Variants in TAF2 observed in about 807,000 individuals in gnomAD.
TAF2 encodes the protein transcription initiation factor TFIID subunit 2.
A neutral mutation model predicts 138.5 loss-of-function variants in TAF2; 61 were observed. The observed-to-expected ratio is 0.44, with a 90% CI of 0.36 to 0.54. The LOEUF is 0.54. TAF2 is among the 20% of genes least tolerant of loss of function. The probability of loss-of-function intolerance (pLI) is 0.00; values close to 1 mark genes in which losing one functional copy is unlikely to be tolerated. For missense variants in TAF2, 1,090 were observed against 1,427.9 expected, an observed-to-expected ratio of 0.76 and a Z score of 3.81; for synonymous variants, 475 against 469.9, an observed-to-expected ratio of 1.01 and a Z score of -0.14.
At chr8:119,831,566 T>G (rs1283916289) in intron 2 of TAF2, 111 bp downstream of exon 2, 2 of 775,320 alleles carry the variant, frequency 2.6e-6, no homozygotes, top group Non-Finnish European at 4.2e-6. Context: ...TTACCTATTC[T>G]TGAAACACAA....
At chr8:119,756,140 T>A in intron 21 of TAF2, 25 bp from the exon 22 acceptor site, 3 of 1,584,994 alleles carry the variant, frequency 1.9e-6, no homozygotes, top group South Asian at 2.2e-5. Flanking sequence ...AAAATTAAAT[T>A]TTTGCTGACC....
chr8:119,811,361 T>A (rs1002048295), intron 3 of TAF2, among the ~76,000 whole-genome samples: 3 of 150,712 alleles, frequency 2.0e-5, no homozygotes, highest in African/African-American at 5.0e-5. Flanking sequence ...ATTTAAAAAA[T>A]TTTTTATAGA....
chr8:119,819,457 A>T lies in TAF2; in HGVS notation c.188T>A (p.Ile63Asn). 6.2e-7 allele frequency: 1 copy of T among 1,611,380 alleles called. No individual in the cohort carries two copies. Among genetic ancestry groups the T allele is most frequent in the Non-Finnish European group, 8.5e-7 (1 of 1,179,524 alleles). Residue 63 changes from isoleucine (I) to asparagine (N), a missense_variant, in exon 3 of 26, where the codon ATC becomes AAC. By Grantham distance (149) the Ile-to-Asn change is moderately radical. Transcript: ENST00000378164. ...TCTACACTGTTTGCTGTTCAACTTG[A>T]TTCTATTCAAGTTTGCAACTGTGGG... ...IFPTVANLNR[I>N]KLNSKQCRIY... is the part of the protein sequence containing the mutation.
At chr8:119,793,336 TATA>T in intron 10 of TAF2, 27 bp downstream of exon 10, 1 of 1,562,292 alleles carries the variant, frequency 6.4e-7, no homozygotes, top group Non-Finnish European at 8.8e-7. Flanking sequence ...AGTCAAGGTT[TATA>T]ATATCATCTC....
At chr8:119,793,127 G>A (rs1443322232) in intron 10 of TAF2, among the ~76,000 whole-genome samples, 4 of 151,864 alleles carry the variant, frequency 2.6e-5, no homozygotes, top group African/African-American at 7.2e-5. Context: ...TTTTTAATGT[G>A]GCACATTAAA....
intron 16 of TAF2, 40 bp downstream of exon 16, chr8:119,783,341 T>A (rs764666208): frequency 6.3e-7 from 1 of 1,591,674 alleles, no homozygotes; most frequent in South Asian, 1.1e-5. Context: ...ACAAAAAATA[T>A]ATACAATAGT....
At chr8:119,770,031 A>AGCCCT (rs1821717961) in intron 18 of TAF2, among the ~76,000 whole-genome samples, 2 of 150,974 alleles carry the variant, frequency 1.3e-5, no homozygotes, top group African/African-American at 4.9e-5. Context: ...TGCTGGGATT[A>AGCCCT]CCGGTGTAAG....
intron 18 of TAF2, among the ~76,000 whole-genome samples, chr8:119,766,435 G>A (rs1821422065): frequency 1.3e-5 from 2 of 152,156 alleles, no homozygotes; most frequent in South Asian, 4.1e-4. Flanking sequence ...ACATGAAAGA[G>A]TATGAATATT....
intron 21 of TAF2, 79 bp downstream of exon 21, chr8:119,757,994 C>T: frequency 2.6e-6 from 3 of 1,156,508 alleles, no homozygotes; most frequent in Non-Finnish European, 3.9e-6. Context: ...CATAAACAAG[C>T]ATTTTATGTG....
At chr8:119,781,287 G>T in intron 16 of TAF2, 94 bp from the exon 17 acceptor site, 3 of 1,404,394 alleles carry the variant, frequency 2.1e-6, no homozygotes, top group Non-Finnish European at 2.9e-6. Context: ...TACTACAACT[G>T]GATTGGGTTT....
In TAF2 at chr8:119,739,957, GAA is replaced by G. The variant is rs547912894; in HGVS notation, c.3337+2575_3337+2576del. Among the ~76,000 whole-genome samples the G allele has an allele frequency of 1.3e-3, 199 of 152,048 alleles. 1 individual carries two copies. Among genetic ancestry groups the G allele is most frequent in the Non-Finnish European group, 2.3e-3 (157 of 67,984 alleles). ...TCAAAAACTTTTGTGAGACTTATAA[GAA>G]GATGCCTCAGCTTGATGAACTGGAT... On this transcript the variant is annotated intron_variant, in intron 25 of 25. Transcript: ENST00000378164.
In TAF2 at chr8:119,793,238, C is replaced by A. The variant is rs1823566560; in HGVS notation, c.1277+128G>T. The A allele has an allele frequency of 8.4e-6, 6 of 713,110 alleles. No homozygotes were observed. The East Asian group carries it at 1.8e-4, about 21-fold the overall frequency. 44.2% of individuals were successfully genotyped at this position (713,110 alleles called of 1,614,324 possible). A position where few individuals can be genotyped will look rare whatever the true frequency, so the allele number is the denominator to read the frequency against. ...AGCTTTATGAGTCTGTAAGCTTTAGCAAAGAATAGCAATAAGAAAAAGGTT... is the reference window on the plus strand; with the variant it reads ...AGCTTTATGAGTCTGTAAGCTTTAGAAAAGAATAGCAATAAGAAAAAGGTT... On this transcript the variant is annotated intron_variant, in intron 10 of 25. Transcript: ENST00000378164.
intron 16 of TAF2, among the ~76,000 whole-genome samples, chr8:119,781,600 A>G (rs1476371466): frequency 6.6e-6 from 1 of 150,974 alleles, no homozygotes; most frequent in Non-Finnish European, 1.5e-5. Context: ...GAACTGCTTG[A>G]CTCAGGACGG....
chr8:119,817,471 C>A (rs143471223), intron 3 of TAF2, among the ~76,000 whole-genome samples: 5 of 152,284 alleles, frequency 3.3e-5, no homozygotes, highest in African/African-American at 1.2e-4. Context: ...CCTCTGCCCC[C>A]CTGGTCCGTG....
At chr8:119,829,994 G>A (rs1826345991) in intron 2 of TAF2, among the ~76,000 whole-genome samples, 1 of 151,696 alleles carries the variant, frequency 6.6e-6, no homozygotes, top group Non-Finnish European at 1.5e-5. Flanking sequence ...CGCCTCCCAG[G>A]TTCATGCCAT....
chr8:119,782,258 A>G lies in TAF2; in HGVS notation c.2113-1065T>C, dbSNP rs74582101. Among the ~76,000 whole-genome samples, 857 of 152,296 alleles carry G rather than the reference A, an allele frequency of 5.6e-3. 10 individuals carry two copies. The highest frequency in any genetic ancestry group is 0.02 in the African/African-American group (817 of 41,568). ...CTGTAAGCATGCTTTACAAAAGCAT[A>G]TCTTGCTTTACCCTATGTCTTGCTA... On this transcript the variant is annotated intron_variant, in intron 16 of 25. Transcript: ENST00000378164.
chr8:119,771,086 T>C (rs1012690135), intron 18 of TAF2, among the ~76,000 whole-genome samples: 2 of 151,666 alleles, frequency 1.3e-5, no homozygotes, highest in Non-Finnish European at 2.9e-5. Context: ...AAAAAAGATA[T>C]AGAATGGCAT....
chr8:119,817,201 C>T (rs1825534717), intron 3 of TAF2, among the ~76,000 whole-genome samples: 1 of 152,114 alleles, frequency 6.6e-6, no homozygotes, highest in Non-Finnish European at 1.5e-5. Context: ...TTATAACTTC[C>T]TTTTCATTCT....
chr8:119,816,034 T>C (rs1445049629), intron 3 of TAF2, among the ~76,000 whole-genome samples: 1 of 151,478 alleles, frequency 6.6e-6, no homozygotes, highest in African/African-American at 2.4e-5. Flanking sequence ...TCTCAACCAC[T>C]GTAAGCACAC....
Sources: allele counts gnomAD v4.1 joint callset (sites outside exome capture counted in the v4.1 genomes callset), GRCh38; gene constraint gnomAD v4.1.1; transcripts MANE v1.5; gene names NCBI Gene and HGNC (gene_info 2026-07-23, HGNC 2026-07-21).